POLR3H: variants seen among roughly 807,000 people sequenced by gnomAD.
POLR3H encodes the protein RNA polymerase III subunit H.
Under a neutral mutation model 25.5 loss-of-function variants are expected in POLR3H, and 17 were observed. The ratio of observed to expected loss-of-function variants is 0.67; its 90% CI spans 0.46 to 1.00. POLR3H has a LOEUF of 1.00. Ranked by LOEUF, POLR3H falls within the 50% of genes least tolerant of loss-of-function variation. The probability of loss-of-function intolerance (pLI) is 0.00; values close to 1 mark genes in which losing one functional copy is unlikely to be tolerated. For missense variants in POLR3H, 274 were observed against 265.0 expected (o/e 1.03, Z -0.24); for synonymous variants, 129 against 103.0 (o/e 1.25, Z -1.53).
At chr22:41,533,888 C>T (rs989813699) in intron 2 of POLR3H, among the ~76,000 whole-genome samples, 1 of 152,194 alleles carries the variant, frequency 6.6e-6, no homozygotes, top group Admixed American at 6.5e-5. Flanking sequence ...TCTGTAATCT[C>T]GGCACTTTGG....
intron 2 of POLR3H, 140 bp from the exon 3 acceptor site, chr22:41,532,885 T>G: frequency 1.1e-6 from 1 of 877,622 alleles, no homozygotes; most frequent in Non-Finnish European, 1.7e-6. Context: ...CCTCCCTTTG[T>G]CTCCTGCAAG....
chr22:41,540,507 A>G (rs1249331915), intron 2 of POLR3H, 192 bp downstream of exon 2: 4 of 653,690 alleles, frequency 6.1e-6, no homozygotes, highest in Non-Finnish European at 1.1e-5. Flanking sequence ...AAATTTTTTC[A>G]TATTTTATTT....
chr22:41,528,245 AGGACCTGGCACTC>A lies in POLR3H; in HGVS notation c.*1025_*1037del, dbSNP rs1454163027. ...CCTCCCCAACCTCCCTTTACTCACC[AGGACCTGGCACTC>A]AGGGGACAGCCCACCCACTGCAGGA... On this transcript the variant is annotated 3_prime_UTR_variant, in exon 6 of 6. Coordinates refer to ENST00000355209, the MANE Select transcript of POLR3H (RefSeq NM_001018050.4). 3 of 832,698 alleles carry A rather than the reference AGGACCTGGCACTC, an allele frequency of 3.6e-6. No individual in the cohort carries two copies. Among genetic ancestry groups the A allele is most frequent in the African/African-American group, 1.7e-5 (1 of 57,880 alleles). The allele number at this position is 832,698 out of a possible 1,614,324, so 51.6% of individuals were successfully genotyped here. A position where few individuals can be genotyped will look rare whatever the true frequency, so the allele number is the denominator to read the frequency against.
At position 41,527,189 on chromosome 22, in the gene POLR3H, T is replaced by C. The variant is rs2066617864; in HGVS notation, c.*2094A>G. The C allele has an allele frequency of 2.0e-5, 31 of 1,578,092 alleles. No individual in the cohort carries two copies. The highest frequency in any genetic ancestry group is 2.7e-5 in the Non-Finnish European group (31 of 1,154,356). On this transcript the variant is annotated 3_prime_UTR_variant, in exon 6 of 6. Transcript: ENST00000355209. ...AGCCCCTTTACCGGGAGCCTCAGGA[T>C]GCCCAGGCGCCAGGTGGGTGAGGCC...
rs150607397 is a variant in POLR3H at position 41,526,372 on chromosome 22, T to C, written c.*2911A>G. 1.8e-5 allele frequency: 29 copies of C among 1,613,770 alleles called. No homozygotes were observed. Among genetic ancestry groups the C allele is most frequent in the Non-Finnish European group, 2.4e-5 (28 of 1,180,038 alleles). On this transcript the variant is annotated 3_prime_UTR_variant, in exon 6 of 6. Transcript: ENST00000355209. ...ACCTGCTCATTGGTGCCATCAACAT[T>C]GAAAACGGCAAGGCCAACTCCGTGC...
At chr22:41,539,471 G>T (rs921624958) in intron 2 of POLR3H, 1 of 152,370 alleles carries the variant, frequency 6.6e-6, no homozygotes, top group African/African-American at 2.4e-5. Context: ...CCCTCTCCTG[G>T]GGCTCATCAC....
intron 5 of POLR3H, chr22:41,529,759 TG>T (rs1293484823): frequency 2.0e-4 from 90 of 442,782 alleles, no homozygotes; most frequent in South Asian, 5.1e-4. Flanking sequence ...ACCTTTTTTT[TG>T]TTGTTTTTTT....
Position 41,526,258 on chromosome 22 carries a change from C to T in POLR3H, c.*3025G>A, listed in dbSNP as rs1187356864. 1.9e-6 allele frequency: 3 copies of T among 1,610,870 alleles called. No homozygotes were observed. Among genetic ancestry groups the T allele is most frequent in the Middle Eastern group, 2.2e-4 (1 of 4,470 alleles). On this transcript the variant is annotated 3_prime_UTR_variant, in exon 6 of 6. Coordinates refer to ENST00000355209, the MANE Select transcript of POLR3H (RefSeq NM_001018050.4). ...ACCTCTGTCCTCTCTACTTACCACC[C>T]AAGGTCAAAGGGAAGTGTACCACTG...
chr22:41,531,478 G>C (rs1226691028), intron 4 of POLR3H, among the ~76,000 whole-genome samples: 1 of 152,256 alleles, frequency 6.6e-6, no homozygotes, highest in African/African-American at 2.4e-5. Flanking sequence ...CCACACAGGG[G>C]AGCCATGGGT....
chr22:41,537,043 G>A (rs1232636137), intron 2 of POLR3H, among the ~76,000 whole-genome samples: 1 of 152,094 alleles, frequency 6.6e-6, no homozygotes, highest in African/African-American at 2.4e-5. Flanking sequence ...CAGGGCCCCC[G>A]ATCAGTATGG....
At position 41,544,283 on chromosome 22, in the gene POLR3H, G is replaced by A. The variant is rs1192900496; in HGVS notation, c.-182C>T. The A allele has an allele frequency of 1.8e-5, 10 of 556,516 alleles. No individual in the cohort carries two copies. The highest frequency in any genetic ancestry group is 3.2e-5 in the Non-Finnish European group (10 of 311,864). 34.5% of individuals were successfully genotyped at this position (556,516 alleles called of 1,614,324 possible). ...GCCATGCTCCGCTACTACAACATGA[G>A]GAAACTGAGGCCAGAGGGAGGCACT... is the stretch of plus-strand genomic sequence containing the variant. On this transcript the variant is annotated 5_prime_UTR_variant, in exon 1 of 6. Transcript: ENST00000355209.
At chr22:41,536,565 G>A (rs1405219140) in intron 2 of POLR3H, among the ~76,000 whole-genome samples, 4 of 147,762 alleles carry the variant, frequency 2.7e-5, no homozygotes, top group African/African-American at 5.0e-5. Flanking sequence ...TGTCAAAAAA[G>A]GTTTAAAAAA....
At chr22:41,529,594 C>G in intron 5 of POLR3H, 2 of 701,768 alleles carry the variant, frequency 2.8e-6, no homozygotes, top group Non-Finnish European at 5.2e-6. Context: ...GCCTGCCCTC[C>G]AGGGCCACCT....
In POLR3H at chr22:41,526,067, A is replaced by C; in HGVS notation, c.*3216T>G. The C allele has an allele frequency of 1.9e-6, 1 of 540,184 alleles. No homozygotes were observed. Among genetic ancestry groups the C allele is most frequent in the Non-Finnish European group, 3.3e-6 (1 of 305,566 alleles). 33.5% of individuals were successfully genotyped at this position (540,184 alleles called of 1,614,324 possible). On this transcript the variant is annotated 3_prime_UTR_variant, in exon 6 of 6. Coordinates refer to ENST00000355209, the MANE Select transcript of POLR3H (RefSeq NM_001018050.4). ...CAGCCAGAGGCCTTTGAGGGGATGA[A>C]GGCCTGGCCTGAGCCCATGTGGCCT...
In POLR3H at chr22:41,540,685, C is replaced by T. The variant is rs2066914183; in HGVS notation, c.208+14G>A. ...CCCAAGAAGCCCAATGCCCCAGGGACAGAAGATACCCACCTTTGGTGTGTG... is the reference window on the plus strand; with the variant it reads ...CCCAAGAAGCCCAATGCCCCAGGGATAGAAGATACCCACCTTTGGTGTGTG... On this transcript the variant is annotated intron_variant, in intron 2 of 5. Transcript: ENST00000355209. 3 of 1,601,406 alleles carry T rather than the reference C, an allele frequency of 1.9e-6. No individual in the cohort carries two copies. Among genetic ancestry groups the T allele is most frequent in the Non-Finnish European group, 2.6e-6 (3 of 1,168,408 alleles).
At position 41,527,199 on chromosome 22, in the gene POLR3H, C is replaced by T. The variant is rs542519040; in HGVS notation, c.*2084G>A. 10 of 1,597,582 alleles carry T rather than the reference C, an allele frequency of 6.3e-6. No homozygotes were observed. The highest frequency in any genetic ancestry group is 2.2e-5 in the South Asian group (2 of 89,996). On this transcript the variant is annotated 3_prime_UTR_variant, in exon 6 of 6. Coordinates refer to ENST00000355209, the MANE Select transcript of POLR3H (RefSeq NM_001018050.4). ...CCGGGAGCCTCAGGATGCCCAGGCG[C>T]CAGGTGGGTGAGGCCAGGCAGGTAG...
intron 2 of POLR3H, chr22:41,533,756 G>A (rs2066791066): frequency 7.8e-7 from 1 of 1,283,448 alleles, no homozygotes; most frequent in Non-Finnish European, 1.0e-6. Context: ...TGACCTCCCA[G>A]AGAGCAGATG....
At position 41,527,080 on chromosome 22, in the gene POLR3H, CCT is replaced by C; in HGVS notation, c.*2201_*2202del. The C allele has an allele frequency of 1.5e-6, 1 of 671,694 alleles. No homozygotes were observed. The allele number at this position is 671,694 out of a possible 1,614,324, so 41.6% of individuals were successfully genotyped here. On this transcript the variant is annotated 3_prime_UTR_variant, in exon 6 of 6. Coordinates refer to ENST00000355209, the MANE Select transcript of POLR3H (RefSeq NM_001018050.4). ...CTTTGCCACTGCAAACAACCACGTG[CCT>C]CTGTCCCCTCGGGGCCTCGTTTGGG...
rs1418374290 is a variant in POLR3H at position 41,529,314 on chromosome 22, A to C, written c.584T>G (p.Leu195Arg). The C allele has an allele frequency of 6.2e-7, 1 of 1,613,816 alleles. No individual in the cohort carries two copies. Among genetic ancestry groups the C allele is most frequent in the Non-Finnish European group, 8.5e-7 (1 of 1,179,928 alleles). ...TLVGSISEPG[L>R]GLLSWWTSN is the part of the protein sequence containing the mutation. ...GCTGGTCCACCAGGAGAGAAGGCCC[A>C]GGCCTGGCTCACTGATGGATCCCTG... The change falls in exon 6 of 6, where the codon CTG (leucine) becomes CGG (arginine). Residue 195 changes from leucine to arginine, a missense_variant. Leu to Arg is a moderately radical substitution (Grantham distance 102). Coordinates refer to ENST00000355209, the MANE Select transcript of POLR3H (RefSeq NM_001018050.4).
Sources: allele counts gnomAD v4.1 joint callset (sites outside exome capture counted in the v4.1 genomes callset), GRCh38; gene constraint gnomAD v4.1.1; transcripts MANE v1.5; gene names NCBI Gene and HGNC (gene_info 2026-07-23, HGNC 2026-07-21).